Variants in ST6GALNAC3 observed in about 807,000 individuals in gnomAD.
ST6GALNAC3 encodes the protein alpha-N-acetylgalactosaminide alpha-2,6-sialyltransferase 3.
ST6GALNAC3 carries 25 observed loss-of-function variants against 32.7 expected under a neutral mutation model. The ratio of observed to expected loss-of-function variants is 0.76; its 90% CI spans 0.56 to 1.07. The LOEUF (loss-of-function observed/expected upper bound fraction) is 1.07, where lower values mean the gene tolerates loss of function less well. Among genes scored for constraint, ST6GALNAC3 ranks in the 50% least tolerant of loss-of-function variants. The pLI is 0.00. For missense variants in ST6GALNAC3, 355 were observed against 382.4 expected (o/e 0.93, Z 0.60); for synonymous variants, 129 against 133.1 (o/e 0.97, Z 0.21).
intron 1 of ST6GALNAC3, among the ~76,000 whole-genome samples, chr1:76,261,535 G>T (rs1658236717): frequency 6.6e-6 from 1 of 152,188 alleles, no homozygotes; most frequent in Admixed American, 6.5e-5. Context: ...CCTGCCACGT[G>T]CCTCTGCACA....
intron 2 of ST6GALNAC3, among the ~76,000 whole-genome samples, chr1:76,360,294 C>A (rs1448469592): frequency 1.3e-5 from 2 of 151,958 alleles, no homozygotes; most frequent in African/African-American, 2.4e-5. Flanking sequence ...TTCTTTTTTT[C>A]ATTCACATGG....
chr1:76,403,068 G>A (rs1653552777), intron 2 of ST6GALNAC3, among the ~76,000 whole-genome samples: 1 of 151,884 alleles, frequency 6.6e-6, no homozygotes, highest in Admixed American at 6.6e-5. Flanking sequence ...AATCTGTATT[G>A]AGTGAATGGC....
chr1:76,389,536 G>T lies in ST6GALNAC3; in HGVS notation c.214-22472G>T, dbSNP rs191558137. Among the ~76,000 whole-genome samples, 381 of 152,274 alleles carry T rather than the reference G, an allele frequency of 2.5e-3. 1 individual carries two copies. The highest frequency in any genetic ancestry group is 3.7e-3 in the Non-Finnish European group (254 of 68,022). On this transcript the variant is annotated intron_variant, in intron 2 of 4. Coordinates refer to ENST00000328299, the MANE Select transcript of ST6GALNAC3 (RefSeq NM_152996.4). ...GTGTTTTGATTCATTACTTTTATGG[G>T]TTGATATGTCTTGTGAGAATATGAG...
Position 76,553,636 on chromosome 1 carries a change from G to A in ST6GALNAC3, c.624-73816G>A, listed in dbSNP as rs191886898. Among the ~76,000 whole-genome samples, 67 of 152,134 alleles carry A rather than the reference G, an allele frequency of 4.4e-4. No homozygotes were observed. The Middle Eastern group carries it at 0.01, about 23-fold the overall frequency. ...GATGATACCTGGTGATGGAAAATGT[G>A]TCTGCTCTTATTCCCTTACAGCCAC... On this transcript the variant is annotated intron_variant, in intron 3 of 4. Transcript: ENST00000328299.
chr1:76,145,557 A>T (rs1650626252), intron 1 of ST6GALNAC3, among the ~76,000 whole-genome samples: 1 of 152,214 alleles, frequency 6.6e-6, no homozygotes, highest in Non-Finnish European at 1.5e-5. Flanking sequence ...GGGCCAAAAT[A>T]CTATTCAGAT....
chr1:76,626,005 A>T lies in ST6GALNAC3; in HGVS notation c.624-1447A>T, dbSNP rs1301394954. ...AATGCAAGTAAAGGCTAAAAAATCC[A>T]ATTATCAACCCCCACTGTGAGTTTG... is the stretch of plus-strand genomic sequence containing the variant. On this transcript the variant is annotated intron_variant, in intron 3 of 4. Transcript: ENST00000328299. 2.0e-5 allele frequency among the ~76,000 whole-genome samples: 3 copies of T among 151,894 alleles called. No homozygotes were observed. In the East Asian group the frequency reaches 5.8e-4, roughly 29 times the overall value.
intron 3 of ST6GALNAC3, among the ~76,000 whole-genome samples, chr1:76,472,205 T>A (rs918721503): frequency 6.6e-6 from 1 of 152,128 alleles, no homozygotes; most frequent in East Asian, 1.9e-4. Flanking sequence ...AAGAAAAGAT[T>A]CATTTACTTG....
intron 3 of ST6GALNAC3, among the ~76,000 whole-genome samples, chr1:76,523,666 A>C (rs574886185): frequency 1.2e-4 from 19 of 152,266 alleles, no homozygotes; most frequent in African/African-American, 4.1e-4. Context: ...CATTCATCCT[A>C]GCAAGTTTTT....
intron 1 of ST6GALNAC3, among the ~76,000 whole-genome samples, chr1:76,198,918 G>T (rs1654367223): frequency 6.6e-6 from 1 of 152,130 alleles, no homozygotes; most frequent in Non-Finnish European, 1.5e-5. Flanking sequence ...GAATGGGAAG[G>T]CCTGGGGACT....
At chr1:76,524,988 A>G (rs1037417596) in intron 3 of ST6GALNAC3, among the ~76,000 whole-genome samples, 2 of 152,126 alleles carry the variant, frequency 1.3e-5, no homozygotes, top group African/African-American at 4.8e-5. Context: ...GAGAAATATT[A>G]CCTACCACAT....
At chr1:76,254,188 G>A (rs76128036) in intron 1 of ST6GALNAC3, among the ~76,000 whole-genome samples, 337 of 152,156 alleles carry the variant, frequency 2.2e-3, no homozygotes, top group South Asian at 6.9e-3. Context: ...TTTAGCACGC[G>A]ATTTTCCTCT....
chr1:76,275,220 T>C (rs763589862), intron 1 of ST6GALNAC3, among the ~76,000 whole-genome samples: 3 of 152,228 alleles, frequency 2.0e-5, no homozygotes, highest in Non-Finnish European at 4.4e-5. Context: ...CACACAACAT[T>C]TAAACCTGTA....
intron 1 of ST6GALNAC3, among the ~76,000 whole-genome samples, chr1:76,089,185 C>T (rs947348343): frequency 5.9e-5 from 9 of 152,134 alleles, no homozygotes; most frequent in Admixed American, 2.6e-4. Context: ...CCTGCCACTA[C>T]GCCCGGCTAA....
intron 1 of ST6GALNAC3, among the ~76,000 whole-genome samples, chr1:76,246,655 A>G (rs1347280229): frequency 1.3e-5 from 2 of 152,228 alleles, no homozygotes; most frequent in Non-Finnish European, 2.9e-5. Flanking sequence ...CAGCTCCATC[A>G]GGTCATTTAT....
At chr1:76,271,497 C>T (rs751376351) in intron 1 of ST6GALNAC3, among the ~76,000 whole-genome samples, 2 of 152,160 alleles carry the variant, frequency 1.3e-5, no homozygotes, top group African/African-American at 2.4e-5. Context: ...TGGTCCTATG[C>T]TTTATTGGGA....
At chr1:76,289,804 CTGCT>C (rs1308076148) in intron 1 of ST6GALNAC3, among the ~76,000 whole-genome samples, 3 of 152,214 alleles carry the variant, frequency 2.0e-5, no homozygotes, top group African/African-American at 7.2e-5. Flanking sequence ...ATCACATTCA[CTGCT>C]TGGTTATGTG....
At chr1:76,461,246 G>T (rs1658258644) in intron 3 of ST6GALNAC3, among the ~76,000 whole-genome samples, 1 of 152,102 alleles carries the variant, frequency 6.6e-6, no homozygotes, top group African/African-American at 2.4e-5. Flanking sequence ...AAAACACATA[G>T]TGAACAGTTA....
At chr1:76,226,736 C>T (rs483441) in intron 1 of ST6GALNAC3, among the ~76,000 whole-genome samples, 136 of 152,014 alleles carry the variant, frequency 8.9e-4, no homozygotes, top group Non-Finnish European at 1.1e-3. Context: ...CCAGATCTCA[C>T]GAGAGAACTC....
At chr1:76,244,942 C>A (rs904334317) in intron 1 of ST6GALNAC3, among the ~76,000 whole-genome samples, 2 of 151,840 alleles carry the variant, frequency 1.3e-5, no homozygotes, top group South Asian at 2.1e-4. Flanking sequence ...AGGATGCTGG[C>A]CTCATAAAAT....
Sources: allele counts gnomAD v4.1 joint callset (sites outside exome capture counted in the v4.1 genomes callset), GRCh38; gene constraint gnomAD v4.1.1; transcripts MANE v1.5; gene names NCBI Gene and HGNC (gene_info 2026-07-23, HGNC 2026-07-21).